Variants in RHOU observed in about 807,000 individuals in gnomAD.
RHOU encodes rho-related GTP-binding protein RhoU.
Under a neutral mutation model 12.6 loss-of-function variants are expected in RHOU, and 8 were observed. That is an observed-to-expected ratio of 0.64 (90% confidence interval 0.37 to 1.15). The LOEUF (loss-of-function observed/expected upper bound fraction) is 1.15, where lower values mean the gene tolerates loss of function less well. Among genes scored for constraint, RHOU ranks in the 50% most tolerant of loss-of-function variants. The pLI is 0.01. For synonymous variants in RHOU, 161 were observed against 147.4 expected (o/e 1.09, Z -0.67); for missense variants, 258 against 347.0 (o/e 0.74, Z 2.04).
the RHOU span, among the ~76,000 whole-genome samples, chr1:228,721,840 G>A: frequency 2.0e-5 from 3 of 152,162 alleles, no homozygotes; most frequent in Non-Finnish European, 4.4e-5. Flanking sequence ...TTTTAGTAGA[G>A]ATGGGGCTTC....
Position 228,735,888 on chromosome 1 carries a change from G to A in RHOU, c.146G>A (p.Gly49Asp). Residue 49 changes from glycine to aspartate, a missense_variant, in exon 1 of 3, where the codon GGC becomes GAC. Gly to Asp is a moderately conservative substitution (Grantham distance 94, BLOSUM62 -1). Coordinates refer to ENST00000366691, the MANE Select transcript of RHOU (RefSeq NM_021205.6). The surrounding 1 kb of genome is among the most constrained non-coding windows in gnomAD (Gnocchi z 8.1). ...RGRAGGAEGR[G>D]VKCVLVGDGA... Reference sequence around the variant, plus strand: ...CGTGCGGGGGGTGCCGAGGGGCGCGGCGTCAAGTGCGTGCTGGTCGGCGAC... The same window carrying A: ...CGTGCGGGGGGTGCCGAGGGGCGCGACGTCAAGTGCGTGCTGGTCGGCGAC... The A allele has an allele frequency of 6.5e-7, 1 of 1,536,022 alleles. No homozygotes were observed. The highest frequency in any genetic ancestry group is 2.7e-5 in the East Asian group (1 of 37,328).
chr1:228,680,563 A>G, the RHOU span, among the ~76,000 whole-genome samples: 3 of 152,086 alleles, frequency 2.0e-5, no homozygotes, highest in African/African-American at 7.2e-5. Flanking sequence ...CCTCTCTATT[A>G]TTGTACACCT....
chr1:228,713,207 G>C, the RHOU span, among the ~76,000 whole-genome samples: 5 of 152,162 alleles, frequency 3.3e-5, no homozygotes, highest in Non-Finnish European at 7.3e-5. Context: ...GACCAATGCA[G>C]GATTAGAGAG....
chr1:228,668,091 T>C, the RHOU span, among the ~76,000 whole-genome samples: 2 of 152,202 alleles, frequency 1.3e-5, no homozygotes, highest in African/African-American at 4.8e-5. Flanking sequence ...ATCATACCTA[T>C]GTAATGGAAG....
At chr1:228,729,085 G>A in the RHOU span, among the ~76,000 whole-genome samples, 1 of 151,906 alleles carries the variant, frequency 6.6e-6, no homozygotes, top group Non-Finnish European at 1.5e-5. Context: ...CAGTAGAGTC[G>A]GAGTTTCACC....
At position 228,736,129 on chromosome 1, in the gene RHOU, G is replaced by C. The variant is rs547174608; in HGVS notation, c.262+125G>C. ...GGGCCCCGGGCGCGGCTCCAGCTGG[G>C]AAGCCGGACAAATGAGGAGTGCAGG... is the stretch of plus-strand genomic sequence containing the variant. On this transcript the variant is annotated intron_variant, in intron 1 of 2. Transcript: ENST00000366691. 13 of 961,538 alleles carry C rather than the reference G, an allele frequency of 1.4e-5. No individual in the cohort carries two copies. The South Asian group carries it at 2.3e-4, about 17-fold the overall frequency. The allele number at this position is 961,538 out of a possible 1,614,324, so 59.6% of individuals were successfully genotyped here.
the RHOU span, among the ~76,000 whole-genome samples, chr1:228,653,019 C>T: frequency 2.0e-5 from 3 of 152,128 alleles, no homozygotes; most frequent in East Asian, 1.9e-4. Flanking sequence ...ATAAGAATCA[C>T]CTCTATAGCA....
chr1:228,714,053 T>C, the RHOU span, among the ~76,000 whole-genome samples: 1 of 152,182 alleles, frequency 6.6e-6, no homozygotes, highest in Non-Finnish European at 1.5e-5. Context: ...ATAGCCTCTA[T>C]GGAGACAATT....
the RHOU span, among the ~76,000 whole-genome samples, chr1:228,707,105 C>CATATATAT: frequency 1.3e-3 from 92 of 70,774 alleles, 1 homozygote; most frequent in Non-Finnish European, 1.8e-3. Flanking sequence ...TATATACATA[C>CATATATAT]ATATATATAT....
the RHOU span, among the ~76,000 whole-genome samples, chr1:228,722,224 C>T: frequency 4.6e-5 from 7 of 152,128 alleles, no homozygotes; most frequent in African/African-American, 1.7e-4. Context: ...TGGCAGATAG[C>T]TTTTCTATTT....
At chr1:228,659,946 TG>T in the RHOU span, among the ~76,000 whole-genome samples, 3 of 117,822 alleles carry the variant, frequency 2.5e-5, no homozygotes, top group Admixed American at 1.0e-4. Flanking sequence ...TGGTAAAACC[TG>T]GTCTCTACAA....
chr1:228,647,314 A>T, the RHOU span, among the ~76,000 whole-genome samples: 1 of 152,110 alleles, frequency 6.6e-6, no homozygotes, highest in Non-Finnish European at 1.5e-5. Flanking sequence ...GGTGCGGTGC[A>T]GTGGGCCCCG....
the RHOU span, among the ~76,000 whole-genome samples, chr1:228,699,018 A>G: frequency 8.2e-3 from 1,249 of 152,274 alleles, 6 homozygotes; most frequent in Middle Eastern, 0.02. Flanking sequence ...TTGTTTTCCA[A>G]AAGACCCAAT....
the RHOU span, among the ~76,000 whole-genome samples, chr1:228,730,271 G>A: frequency 6.6e-6 from 1 of 152,162 alleles, no homozygotes; most frequent in Non-Finnish European, 1.5e-5. Flanking sequence ...GTGGGAACTT[G>A]GAGAAAAGCC....
the RHOU span, among the ~76,000 whole-genome samples, chr1:228,716,022 C>T: frequency 6.6e-6 from 1 of 151,682 alleles, no homozygotes; most frequent in Non-Finnish European, 1.5e-5. Flanking sequence ...AAGCAATCTT[C>T]CCACAGCAGA....
chr1:228,735,279 C>A (rs1030475547), upstream of RHOU: 6 of 152,162 alleles, frequency 3.9e-5, no homozygotes, highest in African/African-American at 1.2e-4. The surrounding 1 kb of genome is among the most constrained non-coding windows in gnomAD (Gnocchi z 8.1). Flanking sequence ...CAGGTCCTCC[C>A]GCGCCAGTGT....
At chr1:228,682,571 G>A in the RHOU span, among the ~76,000 whole-genome samples, 10 of 152,048 alleles carry the variant, frequency 6.6e-5, no homozygotes, top group African/African-American at 2.4e-4. Flanking sequence ...CTCAAGGGTG[G>A]GGAGAATTAC....
chr1:228,735,563 A>C lies in RHOU; in HGVS notation c.-180A>C, dbSNP rs1392179246. On this transcript the variant is annotated 5_prime_UTR_variant, in exon 1 of 3. Transcript: ENST00000366691. This position sits in a 1 kb window ranked among gnomAD's most constrained non-coding sequence, Gnocchi z 8.1. Reference sequence around the variant, plus strand: ...GCTGGCGCCGCCGGAGCGCGGAGCCACGACCCTCCCTGGCCGCCTTTGTCT... The same window carrying C: ...GCTGGCGCCGCCGGAGCGCGGAGCCCCGACCCTCCCTGGCCGCCTTTGTCT... The C allele has an allele frequency of 2.7e-6, 1 of 364,676 alleles. No homozygotes were observed. The highest frequency in any genetic ancestry group is 4.5e-6 in the Non-Finnish European group (1 of 221,256). 22.6% of individuals were successfully genotyped at this position (364,676 alleles called of 1,614,324 possible). A position where few individuals can be genotyped will look rare whatever the true frequency, so the allele number is the denominator to read the frequency against.
At chr1:228,648,200 G>A in the RHOU span, among the ~76,000 whole-genome samples, 4 of 152,246 alleles carry the variant, frequency 2.6e-5, no homozygotes, top group Admixed American at 6.5e-5. Context: ...ACCGTTGCCC[G>A]CCGCCTTGCG....
Sources: allele counts gnomAD v4.1 joint callset (sites outside exome capture counted in the v4.1 genomes callset), GRCh38; gene constraint gnomAD v4.1.1; non-coding constraint Gnocchi (gnomAD v3.1); transcripts MANE v1.5; gene names NCBI Gene and HGNC (gene_info 2026-07-23, HGNC 2026-07-21).